NPY2R: variants seen among roughly 807,000 people sequenced by gnomAD.
The protein encoded by NPY2R is neuropeptide Y receptor type 2.
In NPY2R, 17 loss-of-function variants were observed where a neutral mutation model predicts 22.3. The ratio of observed to expected loss-of-function variants is 0.76; its 90% CI spans 0.52 to 1.14. The LOEUF is 1.14. Ranked by LOEUF, NPY2R falls within the 50% of genes most tolerant of loss-of-function variation. The probability of loss-of-function intolerance (pLI) is 0.00; values close to 1 mark genes in which losing one functional copy is unlikely to be tolerated. For missense variants in NPY2R, 424 were observed against 467.9 expected, an observed-to-expected ratio of 0.91 and a Z score of 0.87; for synonymous variants, 209 against 183.4, an observed-to-expected ratio of 1.14 and a Z score of -1.13.
At chr4:155,213,859 GTTGTT>G in intron 1 of NPY2R, 28 bp from the exon 2 acceptor site, 3 of 1,159,922 alleles carry the variant, frequency 2.6e-6, no homozygotes, top group Non-Finnish European at 3.9e-6. Context: ...TTTTGTTGTT[GTTGTT>G]TTGTTTTATT....
At chr4:155,196,118 A>G in the NPY2R span, among the ~76,000 whole-genome samples, 3 of 152,044 alleles carry the variant, frequency 2.0e-5, no homozygotes, top group African/African-American at 7.2e-5. Context: ...TTGCTGCTAA[A>G]ATCCAAAAAT....
chr4:155,191,793 A>G, the NPY2R span, among the ~76,000 whole-genome samples: 1 of 151,854 alleles, frequency 6.6e-6, no homozygotes, highest in Admixed American at 6.6e-5. Flanking sequence ...TATTTTTCAC[A>G]TGTCAACACT....
the NPY2R span, among the ~76,000 whole-genome samples, chr4:155,194,399 C>T: frequency 6.6e-6 from 1 of 151,760 alleles, no homozygotes; most frequent in Non-Finnish European, 1.5e-5. Context: ...ACTCTCCTCT[C>T]ACCCTCCATC....
the NPY2R span, among the ~76,000 whole-genome samples, chr4:155,191,886 C>T: frequency 0.011 from 1,642 of 151,968 alleles, 36 homozygotes; most frequent in African/African-American, 0.038. Flanking sequence ...ATACTACATA[C>T]TCCATAAATA....
At chr4:155,191,346 G>A in the NPY2R span, among the ~76,000 whole-genome samples, 162 of 151,984 alleles carry the variant, frequency 1.1e-3, 3 homozygotes, top group South Asian at 0.03. Flanking sequence ...CAAAAGCACA[G>A]GCATTCCCTA....
chr4:155,202,365 A>G, the NPY2R span, among the ~76,000 whole-genome samples: 1 of 152,268 alleles, frequency 6.6e-6, no homozygotes, highest in Non-Finnish European at 1.5e-5. Flanking sequence ...AGAAATCTCA[A>G]TCTGTTTAAT....
At chr4:155,203,720 A>G (rs1258568158), upstream of NPY2R, among the ~76,000 whole-genome samples, 1 of 152,206 alleles carries the variant, frequency 6.6e-6, no homozygotes, top group Non-Finnish European at 1.5e-5. Context: ...TTGAAACTTT[A>G]AATACTAGTT....
the NPY2R span, among the ~76,000 whole-genome samples, chr4:155,185,178 C>T: frequency 0.47 from 70,171 of 150,532 alleles, 16,991 homozygotes; most frequent in East Asian, 0.69. Flanking sequence ...TAGATGGGAC[C>T]ACAGGCGCCT....
chr4:155,201,884 C>G, the NPY2R span, among the ~76,000 whole-genome samples: 1 of 152,148 alleles, frequency 6.6e-6, no homozygotes. Context: ...TGCATTAACA[C>G]ATCAGTCTTA....
upstream of NPY2R, chr4:155,207,426 G>A (rs17376798): frequency 6.6e-6 from 1 of 152,178 alleles, no homozygotes; most frequent in African/African-American, 2.4e-5. Context: ...AATGCATAGA[G>A]GAAAAGTAAT....
chr4:155,185,612 G>T, the NPY2R span, among the ~76,000 whole-genome samples: 1 of 151,404 alleles, frequency 6.6e-6, no homozygotes, highest in African/African-American at 2.4e-5. Flanking sequence ...GCAAATAAAT[G>T]ATTTTTTGAC....
intron 1 of NPY2R, among the ~76,000 whole-genome samples, chr4:155,210,530 TTGAG>T (rs1437757775): frequency 1.3e-5 from 2 of 152,196 alleles, no homozygotes; most frequent in African/African-American, 4.8e-5. Context: ...CTTGTCAGGA[TTGAG>T]TAACTGTACT....
chr4:155,203,670 A>G (rs2111023488), upstream of NPY2R, among the ~76,000 whole-genome samples: 1 of 152,282 alleles, frequency 6.6e-6, no homozygotes, highest in African/African-American at 2.4e-5. Flanking sequence ...AATGGCCATT[A>G]GGATATCTAG....
chr4:155,214,318 C>G lies in NPY2R; in HGVS notation c.379C>G (p.Pro127Ala). The change falls in exon 2 of 2, where the codon CCC becomes GCC. Residue 127 changes from proline (P) to alanine (A), a missense_variant. Physicochemically the swap from Pro to Ala is conservative, Grantham distance 27. Coordinates refer to ENST00000329476, the MANE Select transcript of NPY2R (RefSeq NM_000910.4). ...KMGPVLCHLV[P>A]YAQGLAVQVS... The stretch of plus-strand genomic sequence containing the variant: ...GGGTCCTGTCCTGTGCCACCTGGTG[C>G]CCTATGCCCAGGGCCTGGCAGTACA... 1 of 1,614,168 alleles carries G rather than the reference C, an allele frequency of 6.2e-7. No homozygotes were observed. Among genetic ancestry groups the G allele is most frequent in the Non-Finnish European group, 8.5e-7 (1 of 1,180,028 alleles).
At chr4:155,177,102 T>C in the NPY2R span, among the ~76,000 whole-genome samples, 1 of 152,182 alleles carries the variant, frequency 6.6e-6, no homozygotes, top group African/African-American at 2.4e-5. Flanking sequence ...CATGTCCTTC[T>C]CACATACAAA....
the NPY2R span, among the ~76,000 whole-genome samples, chr4:155,198,151 A>G: frequency 1.1e-4 from 16 of 152,138 alleles, no homozygotes; most frequent in South Asian, 3.1e-3. Context: ...TCTAACAGGT[A>G]TTGATCATGT....
chr4:155,177,612 G>A, the NPY2R span, among the ~76,000 whole-genome samples: 1 of 152,032 alleles, frequency 6.6e-6, no homozygotes, highest in Non-Finnish European at 1.5e-5. Flanking sequence ...CTGCTCCCAT[G>A]GCTCCACTGG....
At chr4:155,192,736 C>A in the NPY2R span, among the ~76,000 whole-genome samples, 16 of 151,872 alleles carry the variant, frequency 1.1e-4, no homozygotes, top group Admixed American at 9.9e-4. Context: ...AAGAGAGGCA[C>A]AACTCTTACG....
At chr4:155,194,600 G>A in the NPY2R span, among the ~76,000 whole-genome samples, 197 of 152,136 alleles carry the variant, frequency 1.3e-3, no homozygotes, top group Middle Eastern at 3.4e-3. Context: ...TGGCTGTGTA[G>A]TATTCCATGG....
Sources: allele counts gnomAD v4.1 joint callset (sites outside exome capture counted in the v4.1 genomes callset), GRCh38; gene constraint gnomAD v4.1.1; transcripts MANE v1.5; gene names NCBI Gene and HGNC (gene_info 2026-07-23, HGNC 2026-07-21).